Variants in PIBF1 observed in about 807,000 individuals in gnomAD.
PIBF1 encodes the protein progesterone-induced-blocking factor 1.
PIBF1 carries 90 observed loss-of-function variants against 112.5 expected under a neutral mutation model. The ratio of observed to expected loss-of-function variants is 0.80; its 90% CI spans 0.67 to 0.95. The LOEUF is 0.95. PIBF1 is among the 40% of genes least tolerant of loss of function. PIBF1 has a pLI of 0.00. For synonymous variants in PIBF1, 301 were observed against 288.6 expected (o/e 1.04, Z -0.44); for missense variants, 915 against 852.3 (o/e 1.07, Z -0.92).
intron 12 of PIBF1, among the ~76,000 whole-genome samples, chr13:72,913,385 G>C (rs1197485817): frequency 1.3e-5 from 2 of 152,096 alleles, no homozygotes; most frequent in Non-Finnish European, 2.9e-5. Flanking sequence ...GGAGTGAAGT[G>C]TGCAAATGTC....
At chr13:72,975,465 A>T (rs1043288900) in intron 16 of PIBF1, among the ~76,000 whole-genome samples, 2 of 152,166 alleles carry the variant, frequency 1.3e-5, no homozygotes, top group African/African-American at 2.4e-5. Context: ...TTGTTGAGAG[A>T]GGGGAACTGG....
intron 14 of PIBF1, among the ~76,000 whole-genome samples, chr13:72,963,060 G>T (rs1418898635): frequency 6.6e-6 from 1 of 152,176 alleles, no homozygotes; most frequent in African/African-American, 2.4e-5. Context: ...AACAAATGGG[G>T]CTGGTAAAAC....
At chr13:72,798,970 A>G (rs1452699828) in intron 5 of PIBF1, among the ~76,000 whole-genome samples, 2 of 152,192 alleles carry the variant, frequency 1.3e-5, no homozygotes, top group African/African-American at 4.8e-5. Context: ...TACTAGCATT[A>G]ACCCCAGTGG....
At chr13:72,912,916 G>C (rs567503567) in intron 12 of PIBF1, among the ~76,000 whole-genome samples, 3 of 151,444 alleles carry the variant, frequency 2.0e-5, no homozygotes, top group Non-Finnish European at 4.4e-5. Context: ...TATATGGTAT[G>C]ATTATACTAT....
chr13:72,813,335 CT>C (rs1393910170), intron 5 of PIBF1, among the ~76,000 whole-genome samples: 35 of 152,194 alleles, frequency 2.3e-4, no homozygotes, highest in African/African-American at 8.0e-4. Context: ...TCTCAGCTGT[CT>C]TCTGGCAGGC....
intron 14 of PIBF1, among the ~76,000 whole-genome samples, chr13:72,960,087 C>G (rs1188327215): frequency 1.3e-5 from 2 of 152,066 alleles, no homozygotes; most frequent in African/African-American, 4.8e-5. Context: ...AAATGAAAAT[C>G]AACTTTGGGG....
chr13:73,001,582 C>CTTTTTTTTGTTTTTTTT (rs2043868399), intron 17 of PIBF1, among the ~76,000 whole-genome samples: 1 of 29,160 alleles, frequency 3.4e-5, no homozygotes, highest in African/African-American at 8.3e-5. Context: ...AAGAGCTTGA[C>CTTTTTTTTGTTTTTTTT]TTTTTTTTTT....
intron 16 of PIBF1, among the ~76,000 whole-genome samples, chr13:72,978,182 A>T (rs2043070514): frequency 6.6e-6 from 1 of 152,236 alleles, no homozygotes; most frequent in Non-Finnish European, 1.5e-5. Flanking sequence ...ATTAAAGAAC[A>T]GTTTAATGTC....
intron 12 of PIBF1, among the ~76,000 whole-genome samples, chr13:72,913,657 G>A (rs2040974955): frequency 1.3e-5 from 2 of 152,022 alleles, no homozygotes; most frequent in Admixed American, 1.3e-4. Flanking sequence ...CAGCTACATG[G>A]GAGGGTGAGG....
At chr13:72,782,833 C>G (rs781371465) in intron 1 of PIBF1, among the ~76,000 whole-genome samples, 7 of 151,648 alleles carry the variant, frequency 4.6e-5, no homozygotes, top group Non-Finnish European at 5.9e-5. Flanking sequence ...AAATCCAACC[C>G]TATTTTGACA....
chr13:73,003,294 C>A (rs2043932466), intron 17 of PIBF1, among the ~76,000 whole-genome samples: 1 of 151,832 alleles, frequency 6.6e-6, no homozygotes. Context: ...ACGCTGTCGC[C>A]CAAGCTAGAG....
chr13:72,898,579 G>A (rs1439461759), intron 11 of PIBF1, among the ~76,000 whole-genome samples: 1 of 151,834 alleles, frequency 6.6e-6, no homozygotes, highest in African/African-American at 2.4e-5. Flanking sequence ...GCTCACGCCT[G>A]TAATCCCAGC....
Position 73,013,459 on chromosome 13 carries a change from CAAAA to C in PIBF1, c.2224-2407_2224-2404del, listed in dbSNP as rs1208143463. Among the ~76,000 whole-genome samples, 3 of 150,682 alleles carry C rather than the reference CAAAA, an allele frequency of 2.0e-5. No homozygotes were observed. In the South Asian group the frequency reaches 6.3e-4, roughly 32 times the overall value. Reference sequence around the variant, plus strand: ...AAAGATAAATGCAAAAAGAAAAAAACAAAAAACGAAAAACTATACTTAGGCATAT... The same window carrying C: ...AAAGATAAATGCAAAAAGAAAAAAACAACGAAAAACTATACTTAGGCATAT... On this transcript the variant is annotated intron_variant, in intron 17 of 17. Coordinates refer to ENST00000326291, the MANE Select transcript of PIBF1 (RefSeq NM_006346.4).
chr13:72,791,608 C>T (rs1203267503), intron 2 of PIBF1, among the ~76,000 whole-genome samples: 1 of 152,032 alleles, frequency 6.6e-6, no homozygotes, highest in East Asian at 1.9e-4. Flanking sequence ...CAGTGAGGAT[C>T]CTCTGAAGAA....
chr13:72,953,953 G>A (rs1256557075), intron 14 of PIBF1, among the ~76,000 whole-genome samples: 1 of 152,080 alleles, frequency 6.6e-6, no homozygotes, highest in East Asian at 1.9e-4. Context: ...TCATAAAGTG[G>A]CAAAGCCTGG....
At chr13:72,819,825 G>A (rs1226477169) in intron 5 of PIBF1, among the ~76,000 whole-genome samples, 1 of 152,070 alleles carries the variant, frequency 6.6e-6, no homozygotes, top group East Asian at 1.9e-4. Context: ...GTACCAATCA[G>A]TAGTGTTTCT....
rs78453310 is a variant in PIBF1 at position 72,924,643 on chromosome 13, G to A, written c.1731-6522G>A. Among the ~76,000 whole-genome samples, 972 of 152,146 alleles carry A rather than the reference G, an allele frequency of 6.4e-3. 14 individuals are homozygous for A. Among genetic ancestry groups the A allele is most frequent in the African/African-American group, 0.022 (902 of 41,504 alleles). On this transcript the variant is annotated intron_variant, in intron 13 of 17. Transcript: ENST00000326291. ...GATGAGCTGGGTCACTTGAGCGCAG[G>A]AGGTCAAGACTGCAGTAGCCATGTT... is the stretch of plus-strand genomic sequence containing the variant.
chr13:73,007,118 A>G (rs1008305898), intron 17 of PIBF1, among the ~76,000 whole-genome samples: 2 of 151,770 alleles, frequency 1.3e-5, no homozygotes, highest in Non-Finnish European at 2.9e-5. Flanking sequence ...TAAGGACCCT[A>G]CTCAGTTAAA....
At chr13:72,900,645 T>A (rs1241642738) in intron 11 of PIBF1, among the ~76,000 whole-genome samples, 1 of 152,164 alleles carries the variant, frequency 6.6e-6, no homozygotes, top group Non-Finnish European at 1.5e-5. Flanking sequence ...ACTATAAAAA[T>A]TCTGGAACCT....
Sources: allele counts gnomAD v4.1 joint callset (sites outside exome capture counted in the v4.1 genomes callset), GRCh38; gene constraint gnomAD v4.1.1; transcripts MANE v1.5; gene names NCBI Gene and HGNC (gene_info 2026-07-23, HGNC 2026-07-21).